The following SBSPON variants were observed in gnomAD, a reference collection of about 807,000 sequenced individuals.
SBSPON encodes the protein somatomedin-B and thrombospondin type-1 domain-containing protein.
A neutral mutation model predicts 35.8 loss-of-function variants in SBSPON; 30 were observed. The ratio of observed to expected loss-of-function variants is 0.84; its 90% CI spans 0.63 to 1.14. The LOEUF is 1.14. SBSPON is among the 50% of genes most tolerant of loss of function. SBSPON has a pLI of 0.00. For missense variants in SBSPON, 364 were observed against 357.7 expected, an observed-to-expected ratio of 1.02 and a Z score of -0.14; for synonymous variants, 136 against 135.9, an observed-to-expected ratio of 1.00 and a Z score of 0.00.
intron 1 of SBSPON, among the ~76,000 whole-genome samples, chr8:73,082,912 A>G (rs1236422358): frequency 2.6e-5 from 4 of 152,226 alleles, no homozygotes; most frequent in Non-Finnish European, 5.9e-5. Context: ...ACAACACTTA[A>G]TATTGCATAA....
intron 1 of SBSPON, among the ~76,000 whole-genome samples, chr8:73,091,626 T>G (rs1470663518): frequency 6.6e-6 from 1 of 152,186 alleles, no homozygotes; most frequent in African/African-American, 2.4e-5. Context: ...ATTTCCTAAA[T>G]AGCTGACTCT....
intron 2 of SBSPON, among the ~76,000 whole-genome samples, chr8:73,079,084 T>A (rs904061341): frequency 6.6e-6 from 1 of 152,162 alleles, no homozygotes; most frequent in African/African-American, 2.4e-5. Context: ...ACTCAAATTT[T>A]TTATACATGC....
At position 73,071,808 on chromosome 8, in the gene SBSPON, G is replaced by A. The variant is rs1810497943; in HGVS notation, c.472C>T (p.His158Tyr). The A allele has an allele frequency of 6.2e-7, 1 of 1,609,392 alleles. No individual in the cohort carries two copies. The highest frequency in any genetic ancestry group is 2.2e-5 in the East Asian group (1 of 44,840). The change falls in exon 3 of 5, where the codon CAC becomes TAC. Residue 158 changes from histidine to tyrosine, a missense_variant. Transcript: ENST00000297354. ...GCATCCTCTGTGTGTGTAGACCAGT[G>A]TGGAGACGTAGCTTGTCGTGTTCTC... ...KERTRQATSPHWSTHTEDAGY... is the reference protein window; with the variant it reads ...KERTRQATSPYWSTHTEDAGY...
chr8:73,080,376 G>T (rs1034268156), intron 2 of SBSPON, among the ~76,000 whole-genome samples: 8 of 152,036 alleles, frequency 5.3e-5, no homozygotes, highest in Admixed American at 3.9e-4. Flanking sequence ...TTAGCCGGGC[G>T]TGGTGGCAGG....
chr8:73,075,141 C>G (rs12680356), intron 2 of SBSPON, among the ~76,000 whole-genome samples: 5 of 152,182 alleles, frequency 3.3e-5, no homozygotes, highest in African/African-American at 4.8e-5. Context: ...TCCCAAAGTG[C>G]TAGGATTACA....
chr8:73,067,607 AG>A (rs1467898725), intron 4 of SBSPON, 149 bp from the exon 5 acceptor site: 2,397 of 21,274 alleles, frequency 0.11, 218 homozygotes, highest in African/African-American at 0.16. Flanking sequence ...ATATATATAT[AG>A]TTTTTTTTTT....
At chr8:73,081,488 G>A (rs1229861791) in intron 1 of SBSPON, among the ~76,000 whole-genome samples, 1 of 152,136 alleles carries the variant, frequency 6.6e-6, no homozygotes, top group African/African-American at 2.4e-5. Context: ...CACACCCAAG[G>A]AGATGAGACG....
At chr8:73,073,951 G>C (rs1810544883) in intron 2 of SBSPON, among the ~76,000 whole-genome samples, 1 of 152,128 alleles carries the variant, frequency 6.6e-6, no homozygotes, top group Admixed American at 6.5e-5. Context: ...GCATTTCTAA[G>C]ATCTACAGAC....
intron 2 of SBSPON, among the ~76,000 whole-genome samples, chr8:73,075,381 C>T (rs1187113512): frequency 6.6e-6 from 1 of 152,190 alleles, no homozygotes; most frequent in Admixed American, 6.5e-5. Context: ...CCCCCAAATT[C>T]ACTTTTCATT....
rs879359979 is a variant in SBSPON at position 73,067,849 on chromosome 8, A to AT, written c.678-392dup. On this transcript the variant is annotated intron_variant, in intron 4 of 4. Coordinates refer to ENST00000297354, the MANE Select transcript of SBSPON (RefSeq NM_153225.4). ...ATGACCCACTGCACCCGGTTCCCCA[A>AT]TTTTTTTTTTAATGATCACAAACAG... 1.5e-3 allele frequency among the ~76,000 whole-genome samples: 214 copies of AT among 144,180 alleles called. 1 individual carries two copies. Among genetic ancestry groups the AT allele is most frequent in the African/African-American group, 4.1e-3 (160 of 39,354 alleles). 94.6% of individuals were successfully genotyped at this position (144,180 alleles called of 152,430 possible).
intron 1 of SBSPON, among the ~76,000 whole-genome samples, chr8:73,090,246 A>G (rs1810905680): frequency 6.6e-6 from 1 of 152,236 alleles, no homozygotes; most frequent in Non-Finnish European, 1.5e-5. Context: ...CACAAAGCCA[A>G]ACAGCACCAG....
intron 2 of SBSPON, among the ~76,000 whole-genome samples, chr8:73,080,753 A>C (rs957656272): frequency 6.6e-6 from 1 of 152,162 alleles, no homozygotes; most frequent in African/African-American, 2.4e-5. Flanking sequence ...GGTTTATTTC[A>C]TTACTGAGTC....
chr8:73,088,652 C>T (rs1458882491), intron 1 of SBSPON, among the ~76,000 whole-genome samples: 2 of 151,646 alleles, frequency 1.3e-5, no homozygotes, highest in Admixed American at 6.6e-5. Context: ...CACTGCACTC[C>T]AGCCTAGGCA....
chr8:73,071,005 GA>G (rs1456232844), intron 3 of SBSPON, among the ~76,000 whole-genome samples: 2 of 152,160 alleles, frequency 1.3e-5, no homozygotes, highest in Non-Finnish European at 2.9e-5. Context: ...GCTAAGCCCA[GA>G]CAGCTCTTTT....
chr8:73,092,263 ACCT>A (rs1296781162), intron 1 of SBSPON, among the ~76,000 whole-genome samples: 1 of 152,218 alleles, frequency 6.6e-6, no homozygotes, highest in Non-Finnish European at 1.5e-5. Flanking sequence ...CATACTGTAC[ACCT>A]CCTAGGAGAA....
intron 2 of SBSPON, among the ~76,000 whole-genome samples, chr8:73,077,002 G>A (rs1344641043): frequency 2.0e-5 from 3 of 152,130 alleles, no homozygotes; most frequent in Non-Finnish European, 4.4e-5. Flanking sequence ...CACCTCCCAG[G>A]TTCAAGCAAT....
intron 1 of SBSPON, among the ~76,000 whole-genome samples, chr8:73,091,396 G>T (rs962368543): frequency 1.3e-5 from 2 of 152,328 alleles, no homozygotes; most frequent in African/African-American, 4.8e-5. Context: ...AGAGTAGAAA[G>T]TCCTAGAGAG....
chr8:73,081,801 TC>T (rs780522923), intron 1 of SBSPON, among the ~76,000 whole-genome samples: 3 of 152,198 alleles, frequency 2.0e-5, no homozygotes, highest in East Asian at 3.8e-4. Context: ...TACTCTATTT[TC>T]TTTCTCCATG....
At chr8:73,092,818 AACGGCCGGCGCCCC>A in intron 1 of SBSPON, 22 bp downstream of exon 1, 1 of 1,548,610 alleles carries the variant, frequency 6.5e-7, no homozygotes, top group Non-Finnish European at 8.9e-7. Flanking sequence ...GTTGCAGGCT[AACGGCCGGCGCCCC>A]ACTCTCGGCC....
Sources: allele counts gnomAD v4.1 joint callset (sites outside exome capture counted in the v4.1 genomes callset), GRCh38; gene constraint gnomAD v4.1.1; transcripts MANE v1.5; gene names NCBI Gene and HGNC (gene_info 2026-07-23, HGNC 2026-07-21).